IGF1R: variants seen among roughly 807,000 people sequenced by gnomAD.
IGF1R encodes insulin-like growth factor 1 receptor.
IGF1R carries 44 observed loss-of-function variants against 144.6 expected under a neutral mutation model. That is an observed-to-expected ratio of 0.30 (90% CI 0.24 to 0.39). The LOEUF (loss-of-function observed/expected upper bound fraction) is 0.39. Among genes scored for constraint, IGF1R ranks in the 10% least tolerant of loss-of-function variants. The pLI is 1.00. For missense variants in IGF1R, 1,355 were observed against 1,833.7 expected, an observed-to-expected ratio of 0.74 and a Z score of 4.77; for synonymous variants, 795 against 722.8, an observed-to-expected ratio of 1.10 and a Z score of -1.60.
At chr15:98,805,821 T>A (rs565777488) in intron 2 of IGF1R, among the ~76,000 whole-genome samples, 1 of 152,248 alleles carries the variant, frequency 6.6e-6, no homozygotes, top group African/African-American at 2.4e-5. Flanking sequence ...ACGCCAAATG[T>A]GTGGGGTTTT....
rs569194229 is a variant in IGF1R at position 98,784,908 on chromosome 15, G to A, written c.640+76801G>A. Among the ~76,000 whole-genome samples the A allele has an allele frequency of 5.3e-5, 8 of 152,288 alleles. No individual in the cohort carries two copies. In the South Asian group the frequency reaches 1.5e-3, roughly 28 times the overall value. On this transcript the variant is annotated intron_variant, in intron 2 of 20. Coordinates refer to ENST00000650285, the MANE Select transcript of IGF1R (RefSeq NM_000875.5). ...GCATCCAAGGATTTTGTATCCGTGG[G>A]AGTCCTGGAACCAATCCCCCTTGGA...
intron 2 of IGF1R, among the ~76,000 whole-genome samples, chr15:98,888,396 T>G (rs2013741514): frequency 1.3e-5 from 2 of 151,810 alleles, no homozygotes; most frequent in South Asian, 4.2e-4. Flanking sequence ...TATTTGAAAT[T>G]ATTAACTGTC....
chr15:98,909,174 G>A (rs1452647072), intron 6 of IGF1R, among the ~76,000 whole-genome samples: 2 of 152,036 alleles, frequency 1.3e-5, no homozygotes, highest in Non-Finnish European at 2.9e-5. Flanking sequence ...GCTGCTTACA[G>A]AATGCACAGT....
In IGF1R at chr15:98,957,334, G is replaced by C. The variant is rs2017038156; in HGVS notation, c.3996G>C (p.Gly1332=). 4 of 1,612,140 alleles carry C rather than the reference G, an allele frequency of 2.5e-6. No homozygotes were observed. The highest frequency in any genetic ancestry group is 2.2e-5 in the South Asian group (2 of 91,034). ...GHKAENGPGP[G]VLVLRASFDE... ...AGGCCGAGAACGGCCCCGGCCCTGG[G>C]GTGCTGGTCCTCCGCGCCAGCTTCG... The change falls in exon 21 of 21, where the codon GGG becomes GGC. Residue 1332 remains glycine (G), a synonymous_variant. Transcript: ENST00000650285.
At chr15:98,789,513 C>T (rs1328960291) in intron 2 of IGF1R, among the ~76,000 whole-genome samples, 1 of 152,254 alleles carries the variant, frequency 6.6e-6, no homozygotes, top group East Asian at 1.9e-4. Flanking sequence ...GCCGAGTCCT[C>T]GCCTTAGAGG....
chr15:98,943,560 G>GTT (rs1015173622), intron 19 of IGF1R, among the ~76,000 whole-genome samples: 19 of 152,338 alleles, frequency 1.2e-4, no homozygotes, highest in Admixed American at 9.8e-4. Context: ...CCCAGGGATG[G>GTT]TTATGGGAAG....
At chr15:98,888,629 G>C (rs886683177) in intron 2 of IGF1R, among the ~76,000 whole-genome samples, 2 of 152,156 alleles carry the variant, frequency 1.3e-5, no homozygotes, top group African/African-American at 2.4e-5. Context: ...TTGTGGGTTA[G>C]ATTAGTTTTT....
intron 5 of IGF1R, among the ~76,000 whole-genome samples, chr15:98,901,163 G>T (rs1335711002): frequency 6.6e-6 from 1 of 152,154 alleles, no homozygotes; most frequent in African/African-American, 2.4e-5. Flanking sequence ...TCTTTTTAAG[G>T]TTGCGTGCTC....
At chr15:98,937,876 T>C (rs1319922830) in intron 17 of IGF1R, among the ~76,000 whole-genome samples, 1 of 152,228 alleles carries the variant, frequency 6.6e-6, no homozygotes, top group East Asian at 1.9e-4. Flanking sequence ...TCCTCATGCA[T>C]CACACGTATC....
intron 5 of IGF1R, among the ~76,000 whole-genome samples, chr15:98,906,631 G>A (rs1383155321): frequency 1.3e-5 from 2 of 152,228 alleles, no homozygotes; most frequent in African/African-American, 4.8e-5. Context: ...CCATATCCTG[G>A]CACTGCTCCC....
At chr15:98,730,793 C>T (rs138101215) in intron 2 of IGF1R, among the ~76,000 whole-genome samples, 1,748 of 152,106 alleles carry the variant, frequency 0.011, 14 homozygotes, top group Admixed American at 0.021. Context: ...ATTAAAGTAA[C>T]AAAAATAATG....
At chr15:98,670,558 G>A (rs1769397941) in intron 1 of IGF1R, among the ~76,000 whole-genome samples, 1 of 152,144 alleles carries the variant, frequency 6.6e-6, no homozygotes, top group Admixed American at 6.5e-5. Context: ...AAATACATGG[G>A]AGGCTACTGG....
chr15:98,896,846 A>C lies in IGF1R; in HGVS notation c.1043A>C (p.Gln348Pro), dbSNP rs1331551515. Residue 348 changes from glutamine (Q) to proline (P), a missense_variant, in exon 4 of 21, where the codon CAG (glutamine) becomes CCG (proline). Around this residue, in one of 7 missense-constraint regions of IGF1R, gnomAD observed 880 missense variants for 1,202.7 expected, o/e 0.73. Transcript: ENST00000650285. ...ACCATTGATTCTGTTACTTCTGCTC[A>C]GATGCTCCAAGGATGCACCATCTTC... ...TKTIDSVTSA[Q>P]MLQGCTIFKG... 1 of 1,614,170 alleles carries C rather than the reference A, an allele frequency of 6.2e-7. No individual in the cohort carries two copies.
chr15:98,827,906 CA>C (rs1381594596), intron 2 of IGF1R, among the ~76,000 whole-genome samples: 9 of 152,270 alleles, frequency 5.9e-5, no homozygotes, highest in African/African-American at 2.2e-4. Context: ...TGGTATTCTG[CA>C]GTGGAGAATG....
chr15:98,656,165 GA>G lies in IGF1R; in HGVS notation c.94+6491del, dbSNP rs2052480196. 9.2e-5 allele frequency among the ~76,000 whole-genome samples: 14 copies of G among 152,322 alleles called. No homozygotes were observed. In the South Asian group the frequency reaches 2.9e-3, roughly 32 times the overall value. On this transcript the variant is annotated intron_variant, in intron 1 of 20. Transcript: ENST00000650285. ...GGTCTTGAAGCATTCACATTCTTTG[GA>G]GTAGTGGGGCGGCTGGCTAGTCACA...
chr15:98,683,537 A>G (rs1008674991), intron 1 of IGF1R, among the ~76,000 whole-genome samples: 5 of 152,228 alleles, frequency 3.3e-5, no homozygotes, highest in Non-Finnish European at 4.4e-5. Context: ...GGGATGAGGT[A>G]ATCTTAGCTC....
At chr15:98,831,538 GA>G in intron 2 of IGF1R, among the ~76,000 whole-genome samples, 1 of 152,106 alleles carries the variant, frequency 6.6e-6, no homozygotes, top group Non-Finnish European at 1.5e-5. Flanking sequence ...CCTTCCCCAT[GA>G]TCATAAAAGG....
chr15:98,675,219 C>A (rs1160345156), intron 1 of IGF1R, among the ~76,000 whole-genome samples: 1 of 152,078 alleles, frequency 6.6e-6, no homozygotes, highest in African/African-American at 2.4e-5. Flanking sequence ...AAACTCCTGA[C>A]CTCAAATGAT....
At chr15:98,716,078 T>G (rs2054107973) in intron 2 of IGF1R, among the ~76,000 whole-genome samples, 1 of 152,190 alleles carries the variant, frequency 6.6e-6, no homozygotes, top group Non-Finnish European at 1.5e-5. Context: ...CATGTGAGGC[T>G]GGTGAGGGAC....
Sources: allele counts gnomAD v4.1 joint callset (sites outside exome capture counted in the v4.1 genomes callset), GRCh38; gene constraint gnomAD v4.1.1; regional missense constraint gnomAD v4.1.1; transcripts MANE v1.5; gene names NCBI Gene and HGNC (gene_info 2026-07-23, HGNC 2026-07-21).